The following TNFAIP8 variants were observed in gnomAD, a reference collection of about 807,000 sequenced individuals.
TNFAIP8 encodes tumor necrosis factor alpha-induced protein 8.
A neutral mutation model predicts 13.3 loss-of-function variants in TNFAIP8; 7 were observed. The ratio of observed to expected loss-of-function variants is 0.52; its 90% CI spans 0.30 to 0.99. The LOEUF is 0.99. Among genes scored for constraint, TNFAIP8 ranks in the 50% least tolerant of loss-of-function variants. The pLI is 0.07. For missense variants in TNFAIP8, 258 were observed against 236.9 expected (o/e 1.09, Z -0.58); for synonymous variants, 94 against 87.6 (o/e 1.07, Z -0.41).
chr5:119,335,091 C>A (rs76479488), intron 1 of TNFAIP8, among the ~76,000 whole-genome samples: 1 of 151,970 alleles, frequency 6.6e-6, no homozygotes, highest in Non-Finnish European at 1.5e-5. Flanking sequence ...GGCAGAGTGG[C>A]GCGTAGGAGC....
intron 1 of TNFAIP8, among the ~76,000 whole-genome samples, chr5:119,364,841 G>GTTTTTTTTTT (rs10714712): frequency 1.5e-4 from 13 of 88,690 alleles, no homozygotes; most frequent in African/African-American, 5.6e-4. Flanking sequence ...TTTCTTTTCA[G>GTTTTTTTTTT]TTTTTTTTTT....
At chr5:119,353,073 A>G (rs953217558), upstream of TNFAIP8, among the ~76,000 whole-genome samples, 1 of 152,224 alleles carries the variant, frequency 6.6e-6, no homozygotes, top group Non-Finnish European at 1.5e-5. Flanking sequence ...GTTTGTTATT[A>G]AATGAGAAGT....
chr5:119,268,859 A>C, exon 1 of TNFAIP8: 1 of 700,184 alleles, frequency 1.4e-6, no homozygotes, highest in Non-Finnish European at 2.6e-6. Flanking sequence ...GCCGCCAAAC[A>C]GCCCAGCTCG....
At chr5:119,336,762 C>G (rs1750563171) in intron 1 of TNFAIP8, among the ~76,000 whole-genome samples, 1 of 152,184 alleles carries the variant, frequency 6.6e-6, no homozygotes, top group Non-Finnish European at 1.5e-5. Flanking sequence ...TTCTCAGTAT[C>G]ACCCCCTCAC....
intron 1 of TNFAIP8, among the ~76,000 whole-genome samples, chr5:119,282,131 A>T (rs945161482): frequency 3.3e-5 from 5 of 152,212 alleles, no homozygotes; most frequent in African/African-American, 1.2e-4. Context: ...TACTGTAACT[A>T]GTGAGCTGTT....
upstream of TNFAIP8, among the ~76,000 whole-genome samples, chr5:119,351,977 A>G (rs567776141): frequency 1.3e-5 from 2 of 151,726 alleles, no homozygotes; most frequent in Non-Finnish European, 2.9e-5. Flanking sequence ...TTTAGTAGAG[A>G]TGAGATTTCA....
intron 1 of TNFAIP8, among the ~76,000 whole-genome samples, chr5:119,277,876 G>A (rs141266143): frequency 6.6e-6 from 1 of 152,214 alleles, no homozygotes; most frequent in East Asian, 1.9e-4. Flanking sequence ...GGGAGGTGGA[G>A]GGGCAAAAGG....
chr5:119,342,205 T>G (rs750696888), intron 1 of TNFAIP8, among the ~76,000 whole-genome samples: 5 of 152,228 alleles, frequency 3.3e-5, no homozygotes, highest in Non-Finnish European at 7.3e-5. Flanking sequence ...AATGATAGTA[T>G]TTCCTGTACT....
At chr5:119,321,057 A>T (rs999744071) in intron 1 of TNFAIP8, among the ~76,000 whole-genome samples, 40 of 152,168 alleles carry the variant, frequency 2.6e-4, no homozygotes, top group Non-Finnish European at 3.7e-4. Context: ...TCTACTAAAA[A>T]CACAAAAAAA....
chr5:119,354,293 A>G (rs954900767), upstream of TNFAIP8: 3 of 152,188 alleles, frequency 2.0e-5, no homozygotes, highest in African/African-American at 4.8e-5. Flanking sequence ...AGGCTCTGCA[A>G]CACTGATATT....
rs143913967 is a variant in TNFAIP8 at position 119,367,994 on chromosome 5, T to C, written c.31+11873T>C. Among the ~76,000 whole-genome samples, 660 of 152,328 alleles carry C rather than the reference T, an allele frequency of 4.3e-3. 8 individuals carry two copies. The highest frequency in any genetic ancestry group is 0.015 in the African/African-American group (603 of 41,566). On this transcript the variant is annotated intron_variant, in intron 1 of 1. Coordinates refer to ENST00000504771, the MANE Select transcript of TNFAIP8 (RefSeq NM_014350.4). ...TAGAGTCAGTATTCTCTCCTTGTTA[T>C]CTCTTTCATGTTTAGTTCCTTTTAA...
intron 1 of TNFAIP8, among the ~76,000 whole-genome samples, chr5:119,302,645 G>A (rs1306515835): frequency 1.3e-5 from 2 of 152,088 alleles, no homozygotes; most frequent in Non-Finnish European, 1.5e-5. Context: ...TCATCTGGAG[G>A]GTGTTGCTCA....
At chr5:119,357,902 CAT>C (rs961553140) in intron 1 of TNFAIP8, among the ~76,000 whole-genome samples, 13 of 152,072 alleles carry the variant, frequency 8.5e-5, no homozygotes, top group African/African-American at 3.1e-4. Context: ...CAGATAGAAT[CAT>C]ATAGCTTCTG....
intron 1 of TNFAIP8, among the ~76,000 whole-genome samples, chr5:119,286,756 C>T (rs759447899): frequency 2.0e-5 from 3 of 152,240 alleles, no homozygotes; most frequent in Non-Finnish European, 2.9e-5. Flanking sequence ...AGTGTTAGTG[C>T]GGGAATACAA....
At chr5:119,390,985 A>ATT (rs11448031) in intron 1 of TNFAIP8, among the ~76,000 whole-genome samples, 15,338 of 137,432 alleles carry the variant, frequency 0.11, 1,009 homozygotes, top group African/African-American at 0.2. Context: ...CACCTGGCTA[A>ATT]TTTTTTTTTT....
rs1051953248 is a variant in TNFAIP8, at chr5:119,394,202, G to C, written c.*821G>C. On this transcript the variant is annotated 3_prime_UTR_variant, in exon 2 of 2. Transcript: ENST00000504771. ...AAGTCTAGATTGGTCTTGATATTGA[G>C]ATAATAAAAAGTAAGTAGCATTAAG... 2.3e-4 allele frequency: 35 copies of C among 152,178 alleles called. No individual in the cohort carries two copies. The highest frequency in any genetic ancestry group is 8.4e-4 in the African/African-American group (35 of 41,476). The allele number at this position is 152,178 out of a possible 1,614,324, so 9.4% of individuals were successfully genotyped here. A position where few individuals can be genotyped will look rare whatever the true frequency, so the allele number is the denominator to read the frequency against.
At chr5:119,285,922 A>T (rs1748763854) in intron 1 of TNFAIP8, among the ~76,000 whole-genome samples, 1 of 152,198 alleles carries the variant, frequency 6.6e-6, no homozygotes, top group African/African-American at 2.4e-5. Flanking sequence ...TACTGATCTC[A>T]TTATGTGTAA....
intron 1 of TNFAIP8, among the ~76,000 whole-genome samples, chr5:119,304,357 T>G (rs17145128): frequency 0.032 from 4,857 of 152,268 alleles, 270 homozygotes; most frequent in African/African-American, 0.11. Flanking sequence ...AAAGGCCTCT[T>G]TATCTGGTTC....
chr5:119,337,852 GA>G (rs751900599), intron 1 of TNFAIP8, among the ~76,000 whole-genome samples: 2 of 152,332 alleles, frequency 1.3e-5, no homozygotes, highest in Non-Finnish European at 2.9e-5. Context: ...CCAGCTTCCA[GA>G]AAATCTTTCT....
Sources: allele counts gnomAD v4.1 joint callset (sites outside exome capture counted in the v4.1 genomes callset), GRCh38; gene constraint gnomAD v4.1.1; transcripts MANE v1.5; gene names NCBI Gene and HGNC (gene_info 2026-07-23, HGNC 2026-07-21).